ARHGAP25: variants seen among roughly 807,000 people sequenced by gnomAD.
ARHGAP25 encodes the protein Rho GTPase activating protein 25.
In ARHGAP25, 34 loss-of-function variants were observed where a neutral mutation model predicts 71.0. The ratio of observed to expected loss-of-function variants is 0.48; its 90% CI spans 0.36 to 0.64. The LOEUF (loss-of-function observed/expected upper bound fraction) is 0.64. Among genes scored for constraint, ARHGAP25 ranks in the 30% least tolerant of loss-of-function variants. The pLI is 0.00. For synonymous variants in ARHGAP25, 282 were observed against 296.5 expected (o/e 0.95, Z 0.50); for missense variants, 706 against 805.1 (o/e 0.88, Z 1.49).
intron 2 of ARHGAP25, among the ~76,000 whole-genome samples, chr2:68,777,212 C>T (rs143241955): frequency 5.3e-4 from 81 of 152,210 alleles, no homozygotes; most frequent in African/African-American, 1.8e-3. Flanking sequence ...ACGGCAGTAA[C>T]GCTTTGGCCA....
chr2:68,799,566 G>C (rs1648878348), intron 4 of ARHGAP25, among the ~76,000 whole-genome samples: 1 of 152,196 alleles, frequency 6.6e-6, no homozygotes, highest in African/African-American at 2.4e-5. Flanking sequence ...TGCTGGTAAG[G>C]GTTCCCGCGT....
chr2:68,752,038 A>G (rs1676209051), intron 1 of ARHGAP25, among the ~76,000 whole-genome samples: 1 of 152,206 alleles, frequency 6.6e-6, no homozygotes, highest in African/African-American at 2.4e-5. Context: ...GACCACGAAT[A>G]GTTGATTGAA....
chr2:68,712,798 T>C (rs1377051758), intron 2 of ARHGAP25, among the ~76,000 whole-genome samples: 10 of 152,222 alleles, frequency 6.6e-5, no homozygotes, highest in African/African-American at 2.2e-4. Flanking sequence ...TTGTCAGGTT[T>C]GTCAAAGATC....
intron 5 of ARHGAP25, among the ~76,000 whole-genome samples, chr2:68,809,667 C>G (rs1440817493): frequency 6.6e-6 from 1 of 152,042 alleles, no homozygotes; most frequent in Non-Finnish European, 1.5e-5. Context: ...AAAAGGAATT[C>G]TAGGAGTCAG....
Position 68,823,988 on chromosome 2 carries a change from G to A in ARHGAP25, c.1733+1116G>A, listed in dbSNP as rs114008547. On this transcript the variant is annotated intron_variant, in intron 10 of 10. Coordinates refer to ENST00000409202, the MANE Select transcript of ARHGAP25 (RefSeq NM_001007231.3). ...TCATGAGGCAGTGAAATGTGAATTC[G>A]TGGGCTCTTAGATTTATGGCTACGT... Among the ~76,000 whole-genome samples the A allele has an allele frequency of 3.8e-3, 579 of 152,246 alleles. 3 individuals carry two copies. Among genetic ancestry groups the A allele is most frequent in the African/African-American group, 0.013 (546 of 41,538 alleles).
Position 68,777,203 on chromosome 2 carries a change from C to T in ARHGAP25, c.261+1783C>T, listed in dbSNP as rs540433178. Among the ~76,000 whole-genome samples, 14 of 152,192 alleles carry T rather than the reference C, an allele frequency of 9.2e-5. No individual in the cohort carries two copies. The East Asian group carries it at 1.9e-3, about 21-fold the overall frequency. ...TCCTATCTGCAGAGTGTAAGGGAGA[C>T]GGCAGTAACGCTTTGGCCACCCCAG... On this transcript the variant is annotated intron_variant, in intron 2 of 10. Coordinates refer to ENST00000409202, the MANE Select transcript of ARHGAP25 (RefSeq NM_001007231.3).
chr2:68,776,514 G>C (rs988591632), intron 2 of ARHGAP25, among the ~76,000 whole-genome samples: 7 of 152,202 alleles, frequency 4.6e-5, no homozygotes, highest in African/African-American at 1.7e-4. Flanking sequence ...GATATACTTT[G>C]AAAGTAGAGC....
At chr2:68,733,199 A>G (rs1287663326), upstream of ARHGAP25, among the ~76,000 whole-genome samples, 1 of 152,174 alleles carries the variant, frequency 6.6e-6, no homozygotes, top group African/African-American at 2.4e-5. Flanking sequence ...TGGGAGCCCC[A>G]TGGACAGAGG....
chr2:68,750,159 G>A (rs1285153796), intron 1 of ARHGAP25, among the ~76,000 whole-genome samples: 2 of 133,142 alleles, frequency 1.5e-5, no homozygotes, highest in South Asian at 2.6e-4. Flanking sequence ...GGCGTGCACC[G>A]CCATGCCCGG....
At chr2:68,732,326 T>C (rs148897064), upstream of ARHGAP25, among the ~76,000 whole-genome samples, 388 of 152,338 alleles carry the variant, frequency 2.5e-3, 2 homozygotes, top group African/African-American at 8.8e-3. Context: ...GGAAGTTCCC[T>C]GCGTGTTTCT....
intron 1 of ARHGAP25, among the ~76,000 whole-genome samples, chr2:68,768,149 C>T (rs1677245751): frequency 6.6e-6 from 1 of 152,146 alleles, no homozygotes; most frequent in African/African-American, 2.4e-5. Context: ...AGCTTTGGTT[C>T]CTGGTCTGAA....
chr2:68,762,880 A>T (rs1676911818), intron 1 of ARHGAP25, among the ~76,000 whole-genome samples: 1 of 152,118 alleles, frequency 6.6e-6, no homozygotes, highest in African/African-American at 2.4e-5. Flanking sequence ...TTTTGTGAGG[A>T]CCTTGGGTGA....
rs1406320541 is a variant in ARHGAP25 at position 68,775,046 on chromosome 2, T to G, written c.62-175T>G. On this transcript the variant is annotated intron_variant, in intron 1 of 10. Coordinates refer to ENST00000409202, the MANE Select transcript of ARHGAP25 (RefSeq NM_001007231.3). ...CCTGACCGGGAGCTGGCCCCTCGGC[T>G]GCTTCTCTGGCTCGGGGGGGACTTT... 7.2e-6 allele frequency: 11 copies of G among 1,519,786 alleles called. No individual in the cohort carries two copies. The African/African-American group carries it at 1.1e-4, about 15-fold the overall frequency. 94.1% of individuals were successfully genotyped at this position (1,519,786 alleles called of 1,614,324 possible). A position where few individuals can be genotyped will look rare whatever the true frequency, so the allele number is the denominator to read the frequency against.
intron 5 of ARHGAP25, among the ~76,000 whole-genome samples, chr2:68,808,740 G>A (rs949822034): frequency 6.6e-6 from 1 of 152,136 alleles, no homozygotes; most frequent in South Asian, 2.1e-4. Context: ...GTTAACCTTG[G>A]CCTGAAGAAA....
intron 1 of ARHGAP25, among the ~76,000 whole-genome samples, chr2:68,755,147 A>G (rs1434233757): frequency 6.6e-6 from 1 of 152,206 alleles, no homozygotes; most frequent in East Asian, 1.9e-4. Flanking sequence ...TAAATATTAC[A>G]GACTCTTTGA....
chr2:68,785,761 T>A (rs1267759170), intron 3 of ARHGAP25, among the ~76,000 whole-genome samples: 1 of 152,052 alleles, frequency 6.6e-6, no homozygotes, highest in Non-Finnish European at 1.5e-5. Flanking sequence ...TTTTAAAGAA[T>A]GGGTAGGAGT....
chr2:68,746,714 C>CCT (rs1326152962), intron 1 of ARHGAP25, among the ~76,000 whole-genome samples: 1 of 151,314 alleles, frequency 6.6e-6, no homozygotes, highest in Non-Finnish European at 1.5e-5. Flanking sequence ...CCCCCCTCCC[C>CCT]ATCCCCACAG....
rs764667509 is a variant in ARHGAP25, at chr2:68,735,160, C to T, written c.-40C>T. The T allele has an allele frequency of 5.1e-6, 8 of 1,554,516 alleles. No homozygotes were observed. The highest frequency in any genetic ancestry group is 7.1e-6 in the Non-Finnish European group (8 of 1,125,830). On this transcript the variant is annotated 5_prime_UTR_variant, in exon 1 of 11. Transcript: ENST00000409202. ...CAAGAAGGGCGCAAACTGTGACAGA[C>T]TCACCGCTTCACTAACTACTCACTT... is the stretch of plus-strand genomic sequence containing the variant.
chr2:68,775,458 G>C (rs1293990486), intron 2 of ARHGAP25, 38 bp downstream of exon 2: 2 of 1,612,998 alleles, frequency 1.2e-6, no homozygotes, highest in Admixed American at 1.7e-5. Flanking sequence ...ATAAGGCACG[G>C]AGGAGGCGGG....
Sources: gnomAD v4.1 joint callset for allele counts (sites outside exome capture counted in the v4.1 genomes callset) on GRCh38, gnomAD v4.1.1 for gene constraint, MANE v1.5 for transcripts, NCBI Gene and HGNC (gene_info 2026-07-23, HGNC 2026-07-21) for gene names.